Variants in TIPIN observed in about 807,000 individuals in gnomAD.
TIPIN encodes the protein TIMELESS interacting protein, also known as TIMELESS-interacting protein.
Under a neutral mutation model 35.6 loss-of-function variants are expected in TIPIN, and 29 were observed. The ratio of observed to expected loss-of-function variants is 0.82; its 90% CI spans 0.61 to 1.11. The LOEUF is 1.11. Among genes scored for constraint, TIPIN ranks in the 50% most tolerant of loss-of-function variants. The pLI, the probability that TIPIN is intolerant of heterozygous loss-of-function variation, is 0.00. For synonymous variants in TIPIN, 102 were observed against 121.5 expected, an observed-to-expected ratio of 0.84 and a Z score of 1.06; for missense variants, 296 against 345.4, an observed-to-expected ratio of 0.86 and a Z score of 1.13.
rs1469627478 is a variant in TIPIN at position 66,341,157 on chromosome 15, T to C, written c.675A>G (p.Leu225=). ...ATTTGGCATAAAATTTACCATTTCC[T>C]AGGGTCTGACTATTACTCAGCAGCT... is the stretch of plus-strand genomic sequence containing the variant. ...QAKLLSNSQT[L]GNDMLMNTPR... is the part of the protein sequence containing the mutation. Residue 225 remains leucine (L), a synonymous_variant, in exon 7 of 8, where the codon CTA becomes CTG. Transcript: ENST00000261881. The C allele has an allele frequency of 1.9e-6, 3 of 1,610,648 alleles. No individual in the cohort carries two copies. The highest frequency in any genetic ancestry group is 2.5e-6 in the Non-Finnish European group (3 of 1,179,656).
At chr15:66,372,237 C>G (rs2093280342) in intron 1 of TIPIN, among the ~76,000 whole-genome samples, 1 of 152,220 alleles carries the variant, frequency 6.6e-6, no homozygotes. Context: ...CTTCCTCACT[C>G]TCTTCCTCAA....
intron 1 of TIPIN, among the ~76,000 whole-genome samples, chr15:66,378,192 A>T (rs1442776694): frequency 6.6e-6 from 1 of 152,118 alleles, no homozygotes; most frequent in Non-Finnish European, 1.5e-5. Flanking sequence ...TAGTAGAGAC[A>T]GGGTTTCACT....
chr15:66,376,269 C>T (rs34514523), intron 1 of TIPIN, among the ~76,000 whole-genome samples: 18,633 of 152,048 alleles, frequency 0.12, 1,242 homozygotes, highest in Non-Finnish European at 0.15. Flanking sequence ...CTGTATAGTA[C>T]TTCTTTGTAT....
intron 2 of TIPIN, 31 bp downstream of exon 2, chr15:66,352,784 C>A: frequency 6.4e-7 from 1 of 1,574,170 alleles, no homozygotes; most frequent in Non-Finnish European, 8.6e-7. Context: ...CCTGGCCTCA[C>A]AGCCTCCTTT....
At position 66,352,911 on chromosome 15, in the gene TIPIN, G is replaced by A. The variant is rs760704351; in HGVS notation, c.37C>T (p.Pro13Ser). 10 of 1,614,060 alleles carry A rather than the reference G, an allele frequency of 6.2e-6. No individual in the cohort carries two copies. Among genetic ancestry groups the A allele is most frequent in the Non-Finnish European group, 8.5e-6 (10 of 1,180,002 alleles). The change falls in exon 2 of 8, where the codon CCA (proline) becomes TCA (serine). Residue 13 changes from proline to serine, a missense_variant. By Grantham distance (74) the Pro-to-Ser change is moderately conservative. Transcript: ENST00000261881. ...EPQENGVIDL[P>S]DYEHVEDETF... ...TCATCTTCTACATGCTCATAATCTGGTAGGTCAATCACGCCATTCTCCTGT... is the reference window on the plus strand; with the variant it reads ...TCATCTTCTACATGCTCATAATCTGATAGGTCAATCACGCCATTCTCCTGT...
chr15:66,360,254 T>G (rs1465967814), upstream of TIPIN, among the ~76,000 whole-genome samples: 2 of 151,994 alleles, frequency 1.3e-5, no homozygotes, highest in Non-Finnish European at 2.9e-5. Flanking sequence ...TAAAAGACAT[T>G]AATACATTTT....
chr15:66,368,521 C>T (rs2093266382), intron 1 of TIPIN, among the ~76,000 whole-genome samples: 1 of 151,840 alleles, frequency 6.6e-6, no homozygotes, highest in African/African-American at 2.4e-5. Flanking sequence ...AGAGTAAGAC[C>T]CTGTCTCAAA....
intron 7 of TIPIN, among the ~76,000 whole-genome samples, chr15:66,339,731 T>C (rs2093071911): frequency 6.6e-6 from 1 of 152,142 alleles, no homozygotes; most frequent in Non-Finnish European, 1.5e-5. Context: ...ACAACGTTTC[T>C]AAAAATACTA....
chr15:66,345,310 G>A (rs1566972877), intron 6 of TIPIN, among the ~76,000 whole-genome samples: 1 of 152,128 alleles, frequency 6.6e-6, no homozygotes, highest in Non-Finnish European at 1.5e-5. Context: ...AAGCACAGTG[G>A]CTCACACCTG....
intron 1 of TIPIN, among the ~76,000 whole-genome samples, chr15:66,369,954 A>G (rs1434855319): frequency 6.6e-6 from 1 of 152,180 alleles, no homozygotes; most frequent in Non-Finnish European, 1.5e-5. Context: ...CATTGAGTGG[A>G]AGAAAGCATG....
chr15:66,381,766 T>G (rs544291824), intron 1 of TIPIN, among the ~76,000 whole-genome samples: 2 of 152,158 alleles, frequency 1.3e-5, no homozygotes, highest in East Asian at 3.8e-4. Flanking sequence ...AAAGCCTCTA[T>G]AAATTATTCT....
chr15:66,341,380 A>C, intron 6 of TIPIN, 24 bp from the exon 7 acceptor site: 2 of 1,589,254 alleles, frequency 1.3e-6, no homozygotes, highest in Non-Finnish European at 1.7e-6. Flanking sequence ...GAAATAGTAC[A>C]TCTGTGGTGT....
upstream of TIPIN, among the ~76,000 whole-genome samples, chr15:66,356,953 A>G (rs547730122): frequency 2.0e-5 from 3 of 150,820 alleles, no homozygotes; most frequent in South Asian, 2.1e-4. Context: ...GTCTCGCTCT[A>G]TCACTCAGGC....
chr15:66,340,928 C>T (rs1164381706), intron 7 of TIPIN, among the ~76,000 whole-genome samples: 2 of 152,114 alleles, frequency 1.3e-5, no homozygotes, highest in Admixed American at 6.6e-5. Context: ...AAGAGGTACT[C>T]AGCTATCCAG....
At chr15:66,370,210 A>G (rs2093272845) in intron 1 of TIPIN, among the ~76,000 whole-genome samples, 1 of 152,128 alleles carries the variant, frequency 6.6e-6, no homozygotes, top group Non-Finnish European at 1.5e-5. Flanking sequence ...AAAATACCAC[A>G]GTACCACGTC....
intron 1 of TIPIN, among the ~76,000 whole-genome samples, chr15:66,368,476 C>A (rs1014262324): frequency 7.9e-5 from 12 of 151,984 alleles, no homozygotes; most frequent in African/African-American, 2.9e-4. Context: ...CTGTAGTGAG[C>A]CATGATCGTG....
intron 4 of TIPIN, among the ~76,000 whole-genome samples, chr15:66,349,861 C>T (rs1449249286): frequency 1.3e-5 from 2 of 152,072 alleles, no homozygotes; most frequent in Non-Finnish European, 2.9e-5. Flanking sequence ...GACTGGGTGA[C>T]AGCGAGATCC....
chr15:66,377,727 A>T (rs954184812), intron 1 of TIPIN, among the ~76,000 whole-genome samples: 2 of 149,358 alleles, frequency 1.3e-5, no homozygotes, highest in Non-Finnish European at 3.0e-5. Flanking sequence ...GGAGTGCTGG[A>T]TTGCAGTGGC....
chr15:66,367,855 TTCAAAGTCTTGC>T, intron 1 of TIPIN, among the ~76,000 whole-genome samples: 1 of 148,346 alleles, frequency 6.7e-6, no homozygotes, highest in South Asian at 2.2e-4. Flanking sequence ...TTTTTTTTGA[TTCAAAGTCTTGC>T]TCTGCTGCCT....
Sources: gnomAD v4.1 joint callset for allele counts (sites outside exome capture counted in the v4.1 genomes callset) on GRCh38, gnomAD v4.1.1 for gene constraint, MANE v1.5 for transcripts, NCBI Gene and HGNC (gene_info 2026-07-23, HGNC 2026-07-21) for gene names.